MYO3B: variants seen among roughly 807,000 people sequenced by gnomAD.
The protein encoded by MYO3B is myosin IIIB, also known as myosin-IIIb.
In MYO3B, 156 loss-of-function variants were observed where a neutral mutation model predicts 174.6. The ratio of observed to expected loss-of-function variants is 0.89; its 90% CI spans 0.78 to 1.02. The LOEUF is 1.02. MYO3B is among the 50% of genes least tolerant of loss of function. The probability of loss-of-function intolerance (pLI) is 0.00; values close to 1 mark genes in which losing one functional copy is unlikely to be tolerated. For synonymous variants in MYO3B, 563 were observed against 569.1 expected (o/e 0.99, Z 0.15); for missense variants, 1,632 against 1,639.4 (o/e 1.00, Z 0.08).
At chr2:170,579,554 A>G (rs1692997759) in intron 32 of MYO3B, among the ~76,000 whole-genome samples, 2 of 152,158 alleles carry the variant, frequency 1.3e-5, no homozygotes, top group Admixed American at 1.3e-4. Flanking sequence ...TATTTTTACT[A>G]AATGTGTAGG....
intron 25 of MYO3B, among the ~76,000 whole-genome samples, chr2:170,478,805 A>G (rs554184227): frequency 6.9e-6 from 1 of 145,838 alleles, no homozygotes; most frequent in African/African-American, 2.5e-5. Context: ...TCCTGACCTC[A>G]GGTGATCTCG....
intron 7 of MYO3B, chr2:170,332,210 C>T (rs944706758): frequency 6.6e-6 from 1 of 152,100 alleles, no homozygotes; most frequent in Admixed American, 6.6e-5. Flanking sequence ...TGGTTTTGAA[C>T]ATGTTGACCT....
chr2:170,476,158 C>T (rs947962314), intron 25 of MYO3B, among the ~76,000 whole-genome samples: 1 of 152,126 alleles, frequency 6.6e-6, no homozygotes, highest in African/African-American at 2.4e-5. Context: ...AAGGGGAGCA[C>T]GTGGATGGAC....
chr2:170,393,174 C>T (rs2094424447), intron 16 of MYO3B, among the ~76,000 whole-genome samples: 1 of 151,188 alleles, frequency 6.6e-6, no homozygotes, highest in South Asian at 2.1e-4. Context: ...ACTTCTGTCT[C>T]CTGGCTTCAA....
chr2:170,580,716 A>ATGTGTGTGTG (rs1220621272), intron 32 of MYO3B, among the ~76,000 whole-genome samples: 1 of 74,542 alleles, frequency 1.3e-5, no homozygotes, highest in Admixed American at 1.5e-4. Flanking sequence ...AAAACCTTAT[A>ATGTGTGTGTG]TATGTGTGTG....
At chr2:170,525,207 A>G (rs1284327966) in intron 30 of MYO3B, among the ~76,000 whole-genome samples, 1 of 152,206 alleles carries the variant, frequency 6.6e-6, no homozygotes, top group African/African-American at 2.4e-5. Flanking sequence ...GACAGAGTTA[A>G]CTTGGCTGGA....
intron 22 of MYO3B, among the ~76,000 whole-genome samples, chr2:170,409,877 A>T (rs1178418618): frequency 3.9e-5 from 6 of 152,256 alleles, no homozygotes; most frequent in Non-Finnish European, 8.8e-5. Flanking sequence ...GAATGTCAGA[A>T]TATTACTTTT....
intron 1 of MYO3B, chr2:170,180,035 T>A (rs547773514): frequency 8.2e-4 from 194 of 237,134 alleles, no homozygotes; most frequent in Non-Finnish European, 1.4e-3. Context: ...CTGAATAGCA[T>A]ACTGAGCAAT....
At chr2:170,607,076 C>A (rs557704553) in intron 32 of MYO3B, among the ~76,000 whole-genome samples, 1 of 152,094 alleles carries the variant, frequency 6.6e-6, no homozygotes, top group Admixed American at 6.6e-5. Flanking sequence ...ATACTCTTCT[C>A]TTAATAAGTA....
At chr2:170,278,894 A>G (rs1484721712) in intron 7 of MYO3B, among the ~76,000 whole-genome samples, 1 of 152,086 alleles carries the variant, frequency 6.6e-6, no homozygotes, top group East Asian at 1.9e-4. Context: ...TTCAGTTTGT[A>G]GGTTATTTTA....
chr2:170,558,475 T>A (rs1480212122), intron 32 of MYO3B, among the ~76,000 whole-genome samples: 1 of 152,196 alleles, frequency 6.6e-6, no homozygotes, highest in East Asian at 1.9e-4. Flanking sequence ...GGTAACCACC[T>A]AAATATGTGT....
At chr2:170,370,637 AC>A in intron 9 of MYO3B, among the ~76,000 whole-genome samples, 1 of 63,866 alleles carries the variant, frequency 1.6e-5, no homozygotes, top group South Asian at 5.5e-4. Flanking sequence ...ACACACACAC[AC>A]ACACACACAC....
chr2:170,468,062 A>G (rs1684757143), intron 25 of MYO3B, among the ~76,000 whole-genome samples: 1 of 152,236 alleles, frequency 6.6e-6, no homozygotes, highest in African/African-American at 2.4e-5. Flanking sequence ...GTTCATAATC[A>G]GAAAGCCATT....
chr2:170,605,315 C>G (rs74374277), intron 32 of MYO3B, among the ~76,000 whole-genome samples: 1 of 152,164 alleles, frequency 6.6e-6, no homozygotes, highest in Non-Finnish European at 1.5e-5. Context: ...ATCAGAGAAC[C>G]TTTTTTCTTC....
In MYO3B at chr2:170,543,933, C is replaced by T; in HGVS notation, c.3678C>T (p.Cys1226=). The change falls in exon 32 of 35, where the codon TGC becomes TGT. Residue 1226 remains cysteine (C), a synonymous_variant. Coordinates refer to ENST00000408978, the MANE Select transcript of MYO3B (RefSeq NM_138995.5). ...SGTDLLSSRI[C]HPAPDQQGLS... ...CTGATTTGCTGTCTTCTCGGATATGCCATCCTGCTCCAGATCAGCAAGGAT... is the reference window on the plus strand; with the variant it reads ...CTGATTTGCTGTCTTCTCGGATATGTCATCCTGCTCCAGATCAGCAAGGAT... 7 of 1,613,086 alleles carry T rather than the reference C, an allele frequency of 4.3e-6. No homozygotes were observed. Among genetic ancestry groups the T allele is most frequent in the Non-Finnish European group, 5.9e-6 (7 of 1,179,254 alleles).
At chr2:170,371,218 A>T (rs1219754664) in intron 9 of MYO3B, among the ~76,000 whole-genome samples, 2 of 16,278 alleles carry the variant, frequency 1.2e-4, no homozygotes, top group Admixed American at 7.0e-4. Flanking sequence ...ACAGTGTCTA[A>T]AAAAAAAAAA....
At chr2:170,637,261 T>G (rs1250946511) in intron 32 of MYO3B, among the ~76,000 whole-genome samples, 1 of 148,420 alleles carries the variant, frequency 6.7e-6, no homozygotes, top group East Asian at 2.1e-4. Context: ...AACCTCTGCC[T>G]CCCGGGTTCA....
chr2:170,332,647 A>G (rs1037829304), intron 7 of MYO3B, among the ~76,000 whole-genome samples: 1 of 152,186 alleles, frequency 6.6e-6, no homozygotes, highest in Non-Finnish European at 1.5e-5. Context: ...TACAGGATCA[A>G]ATGAGGTTCT....
intron 23 of MYO3B, among the ~76,000 whole-genome samples, chr2:170,454,639 C>G (rs899917996): frequency 6.6e-6 from 1 of 152,146 alleles, no homozygotes; most frequent in Admixed American, 6.5e-5. Flanking sequence ...TACCGAACCA[C>G]GGGCAGGTAG....
Sources: gnomAD v4.1 joint callset for allele counts (sites outside exome capture counted in the v4.1 genomes callset) on GRCh38, gnomAD v4.1.1 for gene constraint, MANE v1.5 for transcripts, NCBI Gene and HGNC (gene_info 2026-07-23, HGNC 2026-07-21) for gene names.